Variants in ATXN7 observed in about 807,000 individuals in gnomAD.
ATXN7 encodes ataxin-7.
In ATXN7, 12 loss-of-function variants were observed where a neutral mutation model predicts 70.5. That is an observed-to-expected ratio of 0.17 (90% confidence interval 0.11 to 0.28). The LOEUF (loss-of-function observed/expected upper bound fraction) is 0.28. Ranked by LOEUF, ATXN7 falls within the 10% of genes least tolerant of loss-of-function variation. The probability of loss-of-function intolerance (pLI) is 1.00; values close to 1 mark genes in which losing one functional copy is unlikely to be tolerated. For synonymous variants in ATXN7, 498 were observed against 448.7 expected (o/e 1.11, Z -1.39); for missense variants, 1,256 against 1,131.7 (o/e 1.11, Z -1.58).
At chr3:63,970,615 A>G (rs868019688) in intron 5 of ATXN7, among the ~76,000 whole-genome samples, 3 of 152,184 alleles carry the variant, frequency 2.0e-5, no homozygotes, top group South Asian at 4.1e-4. Flanking sequence ...TTTCTCACAT[A>G]CTTGAAAGCA....
At chr3:63,972,104 G>GATATAAC (rs1352778178) in intron 5 of ATXN7, among the ~76,000 whole-genome samples, 1 of 152,112 alleles carries the variant, frequency 6.6e-6, no homozygotes, top group Non-Finnish European at 1.5e-5. Flanking sequence ...GATTAATTGG[G>GATATAAC]AGCTGTATAA....
intron 2 of ATXN7, among the ~76,000 whole-genome samples, chr3:63,900,091 GCAA>G (rs150452950): frequency 0.097 from 14,785 of 151,912 alleles, 885 homozygotes; most frequent in Middle Eastern, 0.15. Flanking sequence ...TAAAAAACAA[GCAA>G]CAACAACAAC....
At chr3:63,867,618 G>C (rs892014316) in intron 1 of ATXN7, among the ~76,000 whole-genome samples, 2 of 152,182 alleles carry the variant, frequency 1.3e-5, no homozygotes, top group African/African-American at 4.8e-5. Flanking sequence ...CCAGCACTTT[G>C]AGAGGCCAAG....
intron 5 of ATXN7, among the ~76,000 whole-genome samples, chr3:63,956,072 T>C (rs1343391156): frequency 1.3e-5 from 2 of 152,224 alleles, no homozygotes; most frequent in Non-Finnish European, 2.9e-5. Flanking sequence ...TGGTGAATGA[T>C]TGTGCTGCCA....
In ATXN7 at chr3:63,895,674, TC is replaced by T. The variant is rs1703419285; in HGVS notation, c.-110-2722del. 1.3e-5 allele frequency among the ~76,000 whole-genome samples: 2 copies of T among 152,106 alleles called. 1 individual carries two copies. The highest frequency in any genetic ancestry group is 1.3e-4 in the Admixed American group (2 of 15,270). On this transcript the variant is annotated intron_variant, in intron 1 of 12. Coordinates refer to ENST00000674280, the MANE Select transcript of ATXN7 (RefSeq NM_001377405.1). ...CAGTAACAGGAAAGCCCAAGAACAC[TC>T]CCAGGCAGAGATTCTCTCTCTCTTT...
At chr3:63,981,331 C>T (rs1429159239) in intron 6 of ATXN7, among the ~76,000 whole-genome samples, 1 of 152,176 alleles carries the variant, frequency 6.6e-6, no homozygotes, top group Non-Finnish European at 1.5e-5. Context: ...GTCTGAAAGC[C>T]ACAAACGGTG....
intron 5 of ATXN7, among the ~76,000 whole-genome samples, chr3:63,954,870 G>A (rs1047089459): frequency 1.8e-4 from 27 of 151,600 alleles, no homozygotes; most frequent in Admixed American, 1.2e-3. Context: ...CACTATGCCC[G>A]GCTAATTTTT....
At chr3:63,993,915 G>A (rs2075712880) in intron 11 of ATXN7, among the ~76,000 whole-genome samples, 1 of 152,142 alleles carries the variant, frequency 6.6e-6, no homozygotes. Context: ...AGCTTCTGAT[G>A]CATCATTCTA....
intron 5 of ATXN7, among the ~76,000 whole-genome samples, chr3:63,952,824 G>T (rs1205037720): frequency 8.4e-6 from 1 of 119,328 alleles, no homozygotes; most frequent in Non-Finnish European, 1.6e-5. Flanking sequence ...TCACAATATG[G>T]ATGCATGGGC....
intron 5 of ATXN7, chr3:63,968,275 T>C: frequency 3.1e-6 from 1 of 322,134 alleles, no homozygotes; most frequent in South Asian, 6.0e-5. Context: ...TGAAATGTCA[T>C]TTGAGTGATC....
chr3:63,949,942 A>C (rs2074928025), intron 4 of ATXN7, among the ~76,000 whole-genome samples: 1 of 152,218 alleles, frequency 6.6e-6, no homozygotes, highest in South Asian at 2.1e-4. Context: ...TATTATTAGA[A>C]ATAAATGGGA....
chr3:63,965,671 T>C (rs1559649071), intron 5 of ATXN7, among the ~76,000 whole-genome samples: 1 of 152,198 alleles, frequency 6.6e-6, no homozygotes, highest in Non-Finnish European at 1.5e-5. Context: ...GTCTGAGCCA[T>C]CATTGGGATA....
At chr3:63,937,340 T>G (rs1338476486) in intron 4 of ATXN7, among the ~76,000 whole-genome samples, 2 of 152,222 alleles carry the variant, frequency 1.3e-5, no homozygotes, top group African/African-American at 4.8e-5. Flanking sequence ...AAGTGCTGAA[T>G]GTGGGGAGGA....
At chr3:63,894,823 C>A (rs1434028325) in intron 1 of ATXN7, among the ~76,000 whole-genome samples, 1 of 152,172 alleles carries the variant, frequency 6.6e-6, no homozygotes, top group Admixed American at 6.5e-5. Context: ...TGTGCCCCAG[C>A]CTCAACATAT....
At chr3:63,916,741 A>C (rs1045685813) in intron 4 of ATXN7, among the ~76,000 whole-genome samples, 8 of 152,236 alleles carry the variant, frequency 5.3e-5, no homozygotes, top group African/African-American at 1.9e-4. Context: ...CATTTGGCAC[A>C]AGTAGGCAAA....
chr3:63,962,976 C>G (rs368724937), intron 5 of ATXN7, among the ~76,000 whole-genome samples: 1 of 146,706 alleles, frequency 6.8e-6, no homozygotes, highest in East Asian at 2.0e-4. Flanking sequence ...AGTGCAGTGG[C>G]GTGATCTTGG....
chr3:63,901,132 TAAC>T (rs1333642833), intron 2 of ATXN7: 1 of 152,240 alleles, frequency 6.6e-6, no homozygotes, highest in Non-Finnish European at 1.5e-5. Flanking sequence ...TTTTCTTAAT[TAAC>T]AAGTAAAAAT....
intron 4 of ATXN7, among the ~76,000 whole-genome samples, chr3:63,940,639 A>G (rs768109494): frequency 6.6e-6 from 1 of 152,172 alleles, no homozygotes; most frequent in Non-Finnish European, 1.5e-5. Flanking sequence ...ACAGATATAG[A>G]CCGCAACTTT....
chr3:63,901,328 A>C (rs116772981), intron 2 of ATXN7: 29 of 152,308 alleles, frequency 1.9e-4, no homozygotes, highest in African/African-American at 7.0e-4. Flanking sequence ...GTTATTAACT[A>C]TAGTAAGCAT....
Sources: allele counts gnomAD v4.1 joint callset (sites outside exome capture counted in the v4.1 genomes callset), GRCh38; gene constraint gnomAD v4.1.1; transcripts MANE v1.5; gene names NCBI Gene and HGNC (gene_info 2026-07-23, HGNC 2026-07-21).